The following CALCR variants were observed in gnomAD, a reference collection of about 807,000 sequenced individuals.
CALCR encodes calcitonin receptor.
Under a neutral mutation model 59.5 loss-of-function variants are expected in CALCR, and 47 were observed. The ratio of observed to expected loss-of-function variants is 0.79; its 90% CI spans 0.63 to 1.01. The LOEUF (loss-of-function observed/expected upper bound fraction) is 1.01, where lower values mean the gene tolerates loss of function less well. Ranked by LOEUF, CALCR falls within the 50% of genes least tolerant of loss-of-function variation. The probability of loss-of-function intolerance (pLI) is 0.00; values close to 1 mark genes in which losing one functional copy is unlikely to be tolerated. For synonymous variants in CALCR, 213 were observed against 211.3 expected (o/e 1.01, Z -0.07); for missense variants, 566 against 597.1 (o/e 0.95, Z 0.54).
At chr7:93,559,013 A>G (rs911678815) in intron 2 of CALCR, among the ~76,000 whole-genome samples, 2 of 152,142 alleles carry the variant, frequency 1.3e-5, no homozygotes, top group African/African-American at 4.8e-5. Context: ...TGCAGCAAGG[A>G]GAGCAGTGTG....
chr7:93,566,477 G>A (rs1371191098), intron 2 of CALCR, among the ~76,000 whole-genome samples: 1 of 152,056 alleles, frequency 6.6e-6, no homozygotes, highest in Non-Finnish European at 1.5e-5. Context: ...TTACTTACAG[G>A]CTCTGATCAT....
chr7:93,524,876 C>G (rs993887621), intron 2 of CALCR, among the ~76,000 whole-genome samples: 3 of 152,024 alleles, frequency 2.0e-5, no homozygotes, highest in Admixed American at 6.6e-5. Flanking sequence ...TACTACAAAA[C>G]TAAAGTTTTT....
intron 13 of CALCR, among the ~76,000 whole-genome samples, chr7:93,428,793 A>G: frequency 6.6e-6 from 1 of 151,952 alleles, no homozygotes; most frequent in Non-Finnish European, 1.5e-5. Context: ...TCTCAAAAAA[A>G]AAAAAAAAAA....
intron 2 of CALCR, among the ~76,000 whole-genome samples, chr7:93,504,249 A>C (rs1007439185): frequency 6.6e-6 from 1 of 152,206 alleles, no homozygotes; most frequent in Non-Finnish European, 1.5e-5. Context: ...TCCCCCCAAC[A>C]GGGAAAAAAA....
chr7:93,522,037 A>C (rs1222141563), intron 2 of CALCR, among the ~76,000 whole-genome samples: 1 of 152,188 alleles, frequency 6.6e-6, no homozygotes, highest in African/African-American at 2.4e-5. Flanking sequence ...GTTCAAAGAT[A>C]ACTTCCATAA....
intron 6 of CALCR, among the ~76,000 whole-genome samples, chr7:93,470,667 C>T (rs1239343984): frequency 6.6e-6 from 1 of 150,934 alleles, no homozygotes; most frequent in African/African-American, 2.4e-5. Flanking sequence ...TTAATGAATT[C>T]TAGGTTGGTT....
At chr7:93,496,097 A>T in intron 2 of CALCR, 1 of 576,978 alleles carries the variant, frequency 1.7e-6, no homozygotes, top group Non-Finnish European at 3.0e-6. Context: ...TTGTGGAAAG[A>T]GTACAAAATG....
chr7:93,437,463 A>C (rs1444251125), intron 11 of CALCR, among the ~76,000 whole-genome samples: 1 of 152,188 alleles, frequency 6.6e-6, no homozygotes, highest in Non-Finnish European at 1.5e-5. Context: ...CCCTTAAAAA[A>C]ATCAGGGGAC....
At chr7:93,485,901 C>G (rs1800932312) in intron 3 of CALCR, among the ~76,000 whole-genome samples, 1 of 151,508 alleles carries the variant, frequency 6.6e-6, no homozygotes, top group Non-Finnish European at 1.5e-5. Context: ...TTCCCATACA[C>G]CATTTATTTG....
intron 2 of CALCR, among the ~76,000 whole-genome samples, chr7:93,509,322 C>T (rs1026620356): frequency 6.6e-6 from 1 of 152,088 alleles, no homozygotes; most frequent in African/African-American, 2.4e-5. Flanking sequence ...TTGCAGGCAA[C>T]TCTAAAATTC....
At chr7:93,533,479 T>C (rs1293742851) in intron 2 of CALCR, among the ~76,000 whole-genome samples, 6 of 151,966 alleles carry the variant, frequency 3.9e-5, no homozygotes, top group Admixed American at 1.3e-4. Context: ...TATCAGCCTT[T>C]GACCTCTGTT....
chr7:93,501,547 C>T (rs1801321948), intron 2 of CALCR, among the ~76,000 whole-genome samples: 2 of 151,998 alleles, frequency 1.3e-5, no homozygotes, highest in African/African-American at 4.8e-5. Flanking sequence ...GGGATAATAA[C>T]TGAGAAGTTC....
At chr7:93,513,697 A>C (rs978518797) in intron 2 of CALCR, among the ~76,000 whole-genome samples, 1 of 152,040 alleles carries the variant, frequency 6.6e-6, no homozygotes, top group African/African-American at 2.4e-5. Flanking sequence ...GGAGATTGTA[A>C]TGCCCCTCTT....
chr7:93,478,974 T>C (rs1800732316), intron 4 of CALCR, among the ~76,000 whole-genome samples: 1 of 151,786 alleles, frequency 6.6e-6, no homozygotes, highest in African/African-American at 2.4e-5. Context: ...ACTACCTAAT[T>C]AATCCAAGCA....
intron 7 of CALCR, among the ~76,000 whole-genome samples, chr7:93,467,440 GA>G (rs1253856703): frequency 6.6e-6 from 1 of 151,328 alleles, no homozygotes; most frequent in African/African-American, 2.4e-5. Context: ...AATGATGAAG[GA>G]AAAAAATAGT....
chr7:93,487,929 G>A (rs1800985625), intron 2 of CALCR, among the ~76,000 whole-genome samples: 1 of 150,950 alleles, frequency 6.6e-6, no homozygotes, highest in Non-Finnish European at 1.5e-5. Context: ...TATTTCATGA[G>A]AAGATCAACC....
chr7:93,476,170 T>C (rs1024559424), intron 5 of CALCR, among the ~76,000 whole-genome samples: 3 of 151,842 alleles, frequency 2.0e-5, no homozygotes, highest in Non-Finnish European at 4.4e-5. Flanking sequence ...CTCTGTGCCA[T>C]TAAAATTGTT....
chr7:93,485,663 G>A (rs1800926379), intron 3 of CALCR, among the ~76,000 whole-genome samples: 2 of 151,404 alleles, frequency 1.3e-5, no homozygotes, highest in Admixed American at 1.3e-4. Flanking sequence ...GTATTTACTG[G>A]CAAATTAAAA....
intron 11 of CALCR, among the ~76,000 whole-genome samples, chr7:93,437,059 ATTTC>A (rs1799796298): frequency 6.6e-6 from 1 of 151,930 alleles, no homozygotes; most frequent in Non-Finnish European, 1.5e-5. Context: ...ACTAATGTGC[ATTTC>A]CTTTAGTCAT....
Sources: gnomAD v4.1 joint callset for allele counts (sites outside exome capture counted in the v4.1 genomes callset) on GRCh38, gnomAD v4.1.1 for gene constraint, MANE v1.5 for transcripts, NCBI Gene and HGNC (gene_info 2026-07-23, HGNC 2026-07-21) for gene names.